DCC: variants seen among roughly 807,000 people sequenced by gnomAD.
The protein encoded by DCC is DCC netrin 1 receptor, also known as netrin receptor DCC.
DCC carries 58 observed loss-of-function variants against 172.5 expected under a neutral mutation model. The observed-to-expected ratio is 0.34, with a 90% CI of 0.27 to 0.42. The LOEUF is 0.42. Ranked by LOEUF, DCC falls within the 10% of genes least tolerant of loss-of-function variation. The pLI is 1.00. For synonymous variants in DCC, 709 were observed against 644.5 expected (o/e 1.10, Z -1.52); for missense variants, 1,740 against 1,791.0 (o/e 0.97, Z 0.51).
chr18:52,540,830 TCTC>T (rs1289332721), intron 1 of DCC, among the ~76,000 whole-genome samples: 1 of 151,952 alleles, frequency 6.6e-6, no homozygotes, highest in African/African-American at 2.4e-5. Flanking sequence ...ATGGTCTTGA[TCTC>T]CTGACTTCGT....
intron 1 of DCC, among the ~76,000 whole-genome samples, chr18:52,684,185 G>C (rs2035792435): frequency 6.6e-6 from 1 of 151,988 alleles, no homozygotes; most frequent in Non-Finnish European, 1.5e-5. Flanking sequence ...TTCACTTTGT[G>C]GTGAGGTTAT....
chr18:52,815,949 A>T (rs1007571293), intron 2 of DCC, among the ~76,000 whole-genome samples: 6 of 152,208 alleles, frequency 3.9e-5, no homozygotes, highest in Non-Finnish European at 8.8e-5. Flanking sequence ...ATTAGGCTAC[A>T]GATAGTGACC....
intron 9 of DCC, among the ~76,000 whole-genome samples, chr18:53,204,798 A>C (rs776682611): frequency 6.6e-6 from 1 of 152,168 alleles, no homozygotes; most frequent in Non-Finnish European, 1.5e-5. Flanking sequence ...TTTAATTATA[A>C]GTAGAACCAT....
chr18:53,349,309 C>T (rs1490735791), intron 15 of DCC, among the ~76,000 whole-genome samples: 1 of 152,172 alleles, frequency 6.6e-6, no homozygotes, highest in Non-Finnish European at 1.5e-5. Flanking sequence ...CCATCTGAGA[C>T]CACCTCAGCC....
intron 5 of DCC, among the ~76,000 whole-genome samples, chr18:52,961,559 T>C (rs969945204): frequency 2.6e-5 from 4 of 152,208 alleles, no homozygotes; most frequent in Non-Finnish European, 5.9e-5. Flanking sequence ...CAAAGGCTCA[T>C]GCTGAAAGCC....
intron 1 of DCC, among the ~76,000 whole-genome samples, chr18:52,467,642 A>G (rs2510004): frequency 0.25 from 37,591 of 151,954 alleles, 5,521 homozygotes; most frequent in Non-Finnish European, 0.33. Context: ...CACAATGGTT[A>G]AATTAATTTA....
intron 1 of DCC, among the ~76,000 whole-genome samples, chr18:52,485,411 G>T (rs1246655120): frequency 6.6e-6 from 1 of 152,100 alleles, no homozygotes; most frequent in Admixed American, 6.6e-5. Flanking sequence ...TATCGCCGGA[G>T]AGAATTTTAG....
At chr18:52,467,521 T>C (rs1342177366) in intron 1 of DCC, among the ~76,000 whole-genome samples, 1 of 152,202 alleles carries the variant, frequency 6.6e-6, no homozygotes, top group Non-Finnish European at 1.5e-5. Flanking sequence ...TGTGCATGTG[T>C]TCTTATAGTA....
chr18:53,049,309 T>C (rs186482987), intron 5 of DCC, among the ~76,000 whole-genome samples: 35 of 152,244 alleles, frequency 2.3e-4, no homozygotes, highest in African/African-American at 7.5e-4. Flanking sequence ...GGTTTTTAAA[T>C]AGTTTTAGGT....
chr18:52,500,562 T>C (rs1432165488), intron 1 of DCC, among the ~76,000 whole-genome samples: 1 of 152,182 alleles, frequency 6.6e-6, no homozygotes, highest in African/African-American at 2.4e-5. Context: ...AAGTATGTCT[T>C]TATGCCCTCT....
chr18:53,182,948 G>C (rs189752421), intron 9 of DCC, among the ~76,000 whole-genome samples: 1 of 152,096 alleles, frequency 6.6e-6, no homozygotes, highest in Non-Finnish European at 1.5e-5. Flanking sequence ...TAAAGAAAAC[G>C]TTTTCATCAA....
chr18:52,950,162 T>C (rs1461492759), intron 5 of DCC, among the ~76,000 whole-genome samples: 1 of 152,186 alleles, frequency 6.6e-6, no homozygotes, highest in African/African-American at 2.4e-5. Context: ...CTCCATCAAA[T>C]TTTTGTATCT....
chr18:52,993,686 G>T (rs1046293292), intron 5 of DCC, among the ~76,000 whole-genome samples: 1 of 152,098 alleles, frequency 6.6e-6, no homozygotes, highest in African/African-American at 2.4e-5. Flanking sequence ...AAGTAATATG[G>T]ATTGGGGACA....
chr18:53,475,050 C>A (rs956956760), intron 25 of DCC, among the ~76,000 whole-genome samples: 2 of 152,174 alleles, frequency 1.3e-5, no homozygotes, highest in African/African-American at 4.8e-5. Flanking sequence ...GGGCATTTTG[C>A]CCCTGCCCTA....
At chr18:53,091,561 G>A (rs1162236755) in intron 7 of DCC, among the ~76,000 whole-genome samples, 1 of 151,542 alleles carries the variant, frequency 6.6e-6, no homozygotes, top group East Asian at 1.9e-4. Flanking sequence ...TGGGTTTCTG[G>A]TGAGGACCCT....
chr18:52,542,646 G>A (rs2032493483), intron 1 of DCC, among the ~76,000 whole-genome samples: 1 of 152,044 alleles, frequency 6.6e-6, no homozygotes, highest in Non-Finnish European at 1.5e-5. Context: ...AACCAGCCTG[G>A]CCAACATGGA....
rs954094304 is a variant in DCC, at chr18:52,593,431, C to A, written c.92-158623C>A. On this transcript the variant is annotated intron_variant, in intron 1 of 28. Coordinates refer to ENST00000442544, the MANE Select transcript of DCC (RefSeq NM_005215.4). ...GTTGAAGTCTTTTTGTCAAGAAATTCTCTTTTAAAATGGAAATGGGAAGAA... is the reference window on the plus strand; with the variant it reads ...GTTGAAGTCTTTTTGTCAAGAAATTATCTTTTAAAATGGAAATGGGAAGAA... Among the ~76,000 whole-genome samples, 5 of 152,148 alleles carry A rather than the reference C, an allele frequency of 3.3e-5. No individual in the cohort carries two copies. The South Asian group carries it at 6.2e-4, about 19-fold the overall frequency.
At chr18:53,395,890 G>A (rs913618368) in intron 17 of DCC, among the ~76,000 whole-genome samples, 10 of 152,096 alleles carry the variant, frequency 6.6e-5, no homozygotes, top group Non-Finnish European at 1.5e-4. Context: ...TGATCCATCC[G>A]CCTCGGCCTC....
chr18:52,958,902 C>A (rs534189504), intron 5 of DCC, among the ~76,000 whole-genome samples: 3 of 152,208 alleles, frequency 2.0e-5, no homozygotes, highest in East Asian at 1.9e-4. Context: ...AGCCCGCGGG[C>A]CATATGCAGC....
Sources: allele counts gnomAD v4.1 joint callset (sites outside exome capture counted in the v4.1 genomes callset), GRCh38; gene constraint gnomAD v4.1.1; transcripts MANE v1.5; gene names NCBI Gene and HGNC (gene_info 2026-07-23, HGNC 2026-07-21).